FAM184A: variants seen among roughly 807,000 people sequenced by gnomAD.
FAM184A encodes the protein protein FAM184A.
A neutral mutation model predicts 143.8 loss-of-function variants in FAM184A; 99 were observed. The observed-to-expected ratio is 0.69, with a 90% CI of 0.58 to 0.81. The LOEUF is 0.81. Ranked by LOEUF, FAM184A falls within the 40% of genes least tolerant of loss-of-function variation. The probability of loss-of-function intolerance (pLI) is 0.00; values close to 1 mark genes in which losing one functional copy is unlikely to be tolerated. For missense variants in FAM184A, 1,217 were observed against 1,310.5 expected (o/e 0.93, Z 1.10); for synonymous variants, 427 against 446.4 (o/e 0.96, Z 0.55).
At chr6:119,032,490 G>T (rs1175831462) in intron 1 of FAM184A, among the ~76,000 whole-genome samples, 1 of 150,104 alleles carries the variant, frequency 6.7e-6, no homozygotes, top group Admixed American at 6.7e-5. Context: ...GGTGGGGGAG[G>T]GGGAGAGGGA....
intron 1 of FAM184A, among the ~76,000 whole-genome samples, chr6:119,035,286 AGAGGGGG>A (rs1562483242): frequency 7.2e-5 from 11 of 152,170 alleles, no homozygotes; most frequent in Admixed American, 1.3e-4. Context: ...TATGATAGGA[AGAGGGGG>A]TCACACATAC....
chr6:119,116,086 C>A (rs1789055611), intron 1 of FAM184A, among the ~76,000 whole-genome samples: 1 of 151,834 alleles, frequency 6.6e-6, no homozygotes, highest in South Asian at 2.1e-4. Context: ...GAGATGGGGC[C>A]ACAGTGAGGG....
At chr6:119,048,785 G>C (rs1314296596) in intron 1 of FAM184A, among the ~76,000 whole-genome samples, 1 of 152,058 alleles carries the variant, frequency 6.6e-6, no homozygotes, top group Non-Finnish European at 1.5e-5. Flanking sequence ...GGGATAATGG[G>C]GGATGGTAGT....
chr6:119,025,606 C>G (rs116240868), intron 1 of FAM184A: 1 of 518,832 alleles, frequency 1.9e-6, no homozygotes, highest in South Asian at 1.4e-5. Context: ...CAAATGACAA[C>G]AAATTCCCTG....
intron 4 of FAM184A, among the ~76,000 whole-genome samples, chr6:119,019,280 A>C (rs950562379): frequency 4.6e-5 from 7 of 152,226 alleles, no homozygotes; most frequent in African/African-American, 1.7e-4. Context: ...AGTAAGTACC[A>C]CAGTAAGATA....
At chr6:118,997,663 T>G (rs895396014) in intron 9 of FAM184A, among the ~76,000 whole-genome samples, 16 of 152,024 alleles carry the variant, frequency 1.1e-4, no homozygotes, top group African/African-American at 3.6e-4. Flanking sequence ...ACAACTGCAC[T>G]TCAGCCTGGG....
rs773554311 is a variant in FAM184A at position 118,964,772 on chromosome 6, C to T, written c.3034-1G>A. 6.0e-6 allele frequency: 9 copies of T among 1,498,914 alleles called. No homozygotes were observed. Among genetic ancestry groups the T allele is most frequent in the African/African-American group, 1.4e-5 (1 of 72,244 alleles). The allele number at this position is 1,498,914 out of a possible 1,614,324, so 92.9% of individuals were successfully genotyped here. On this transcript the variant is annotated splice_acceptor_variant, in intron 15 of 17. Transcript: ENST00000338891. LOFTEE classifies it high-confidence loss of function. ...CCAGCTGATAAAACTTATTATCCTC[C>T]TATGCAAAAGAATTATAAACATCTT...
At chr6:118,969,694 A>G (rs1322682482) in intron 14 of FAM184A, among the ~76,000 whole-genome samples, 1 of 151,776 alleles carries the variant, frequency 6.6e-6, no homozygotes, top group African/African-American at 2.4e-5. Flanking sequence ...TCTGGGATAC[A>G]TGTGCAGAAC....
chr6:119,066,642 G>C (rs776730929), intron 1 of FAM184A, among the ~76,000 whole-genome samples: 1 of 152,118 alleles, frequency 6.6e-6, no homozygotes, highest in African/African-American at 2.4e-5. Context: ...CCTAAATAGA[G>C]CAATATTATA....
At chr6:119,031,596 A>T (rs868285350) in intron 1 of FAM184A, 5 of 152,236 alleles carry the variant, frequency 3.3e-5, no homozygotes, top group Middle Eastern at 3.2e-3. Flanking sequence ...TCTTGGCAAT[A>T]TGTAAATACG....
intron 1 of FAM184A, among the ~76,000 whole-genome samples, chr6:119,132,484 G>T (rs935165564): frequency 5.9e-5 from 9 of 152,244 alleles, no homozygotes; most frequent in African/African-American, 1.7e-4. Flanking sequence ...TACAACAGCT[G>T]CCTGGATCCC....
chr6:118,979,948 G>T (rs1054607693), intron 10 of FAM184A, among the ~76,000 whole-genome samples, 190 bp downstream of exon 10: 1 of 152,060 alleles, frequency 6.6e-6, no homozygotes, highest in Non-Finnish European at 1.5e-5. Flanking sequence ...TATTCAGGAG[G>T]CTGAGGTGGA....
chr6:119,016,896 G>A lies in FAM184A; in HGVS notation c.1381C>T (p.Leu461Phe). The change falls in exon 5 of 18, where the codon CTT (leucine) becomes TTT (phenylalanine). Residue 461 changes from leucine to phenylalanine, a missense_variant. By Grantham distance (22) the Leu-to-Phe change is conservative (BLOSUM62 0). Coordinates refer to ENST00000338891, the MANE Select transcript of FAM184A (RefSeq NM_024581.6). Reference protein sequence around the residue: ...RTQQEYYERELKNLQSRLEEE... With the variant: ...RTQQEYYEREFKNLQSRLEEE... ...TCCAATCTACTTTGCAGGTTTTTAA[G>A]TTCCCTTTCATAATATTCTTGCTGA... 1 of 1,613,588 alleles carries A rather than the reference G, an allele frequency of 6.2e-7. No homozygotes were observed. The highest frequency in any genetic ancestry group is 8.5e-7 in the Non-Finnish European group (1 of 1,179,782).
intron 1 of FAM184A, among the ~76,000 whole-genome samples, chr6:119,052,776 T>C (rs1164980815): frequency 6.6e-6 from 1 of 152,174 alleles, no homozygotes; most frequent in Non-Finnish European, 1.5e-5. Flanking sequence ...TCACACAAGC[T>C]GTATAGGTAG....
At chr6:119,078,857 C>G (rs529414873), upstream of FAM184A, 41 of 153,686 alleles carry the variant, frequency 2.7e-4, 1 homozygote, top group South Asian at 6.0e-3. The surrounding 1 kb of genome is among the most constrained non-coding windows in gnomAD (Gnocchi z 5.5). Flanking sequence ...GCGGGCGCCT[C>G]GCGAGGTCGA....
At chr6:119,068,493 T>C (rs6911997) in intron 1 of FAM184A, among the ~76,000 whole-genome samples, 7,038 of 152,292 alleles carry the variant, frequency 0.046, 394 homozygotes, top group African/African-American at 0.13. Flanking sequence ...CGCTTTGTCA[T>C]TCTCATTTTA....
chr6:119,060,407 G>A (rs2114766198), intron 1 of FAM184A, among the ~76,000 whole-genome samples: 1 of 152,268 alleles, frequency 6.6e-6, no homozygotes, highest in Middle Eastern at 3.4e-3. Context: ...CAAGACAGTG[G>A]CTAAAGCAAC....
At chr6:119,113,646 A>AGG (rs1453798059) in intron 1 of FAM184A, among the ~76,000 whole-genome samples, 3 of 151,964 alleles carry the variant, frequency 2.0e-5, no homozygotes, top group East Asian at 1.9e-4. Context: ...AGAGAGAGAG[A>AGG]GAGAGACCAC....
chr6:119,022,373 T>G (rs1033504837), intron 3 of FAM184A, among the ~76,000 whole-genome samples: 9 of 152,122 alleles, frequency 5.9e-5, no homozygotes, highest in African/African-American at 2.2e-4. Context: ...TTTCTTTTAG[T>G]GACTACTTTA....
Sources: allele counts gnomAD v4.1 joint callset (sites outside exome capture counted in the v4.1 genomes callset), GRCh38; gene constraint gnomAD v4.1.1; non-coding constraint Gnocchi (gnomAD v3.1); transcripts MANE v1.5; gene names NCBI Gene and HGNC (gene_info 2026-07-23, HGNC 2026-07-21).